C2orf69: variants seen among roughly 807,000 people sequenced by gnomAD.
C2orf69 encodes the protein chromosome 2 open reading frame 69.
Under a neutral mutation model 29.5 loss-of-function variants are expected in C2orf69, and 19 were observed. That is an observed-to-expected ratio of 0.65 (90% CI 0.45 to 0.95). The LOEUF (loss-of-function observed/expected upper bound fraction) is 0.95, where lower values mean the gene tolerates loss of function less well. C2orf69 is among the 40% of genes least tolerant of loss of function. C2orf69 has a pLI of 0.00. For synonymous variants in C2orf69, 194 were observed against 180.0 expected, an observed-to-expected ratio of 1.08 and a Z score of -0.62; for missense variants, 416 against 482.1, an observed-to-expected ratio of 0.86 and a Z score of 1.28.
rs2077342654 is a variant in C2orf69, at chr2:199,928,092, T to G, written c.*2206T>G. 1 of 152,618 alleles carries G rather than the reference T, an allele frequency of 6.6e-6. No homozygotes were observed. The highest frequency in any genetic ancestry group is 2.1e-4 in the South Asian group (1 of 4,836). The allele number at this position is 152,618 out of a possible 1,614,324, so 9.5% of individuals were successfully genotyped here. On this transcript the variant is annotated 3_prime_UTR_variant, in exon 2 of 2. Coordinates refer to ENST00000319974, the MANE Select transcript of C2orf69 (RefSeq NM_153689.6). ...CAAGTTGATCCATATTCAGATGTTT[T>G]CTGTTTAATACTTCAGATTGGTCCT...
chr2:199,927,874 C>T lies in C2orf69; in HGVS notation c.*1988C>T, dbSNP rs2077341856. The T allele has an allele frequency of 6.6e-6, 1 of 152,022 alleles. No homozygotes were observed. The highest frequency in any genetic ancestry group is 3.2e-3 in the Middle Eastern group (1 of 314). 9.4% of individuals were successfully genotyped at this position (152,022 alleles called of 1,614,324 possible). Reference sequence around the variant, plus strand: ...AAGTAAGACATTTAGCAGAATAATTCATTTAAAAATAATTTTAAAAAATCA... The same window carrying T: ...AAGTAAGACATTTAGCAGAATAATTTATTTAAAAATAATTTTAAAAAATCA... On this transcript the variant is annotated 3_prime_UTR_variant, in exon 2 of 2. Coordinates refer to ENST00000319974, the MANE Select transcript of C2orf69 (RefSeq NM_153689.6).
rs62178348 is a variant in C2orf69 at position 199,918,581 on chromosome 2, C to T, written c.334-6481C>T. On this transcript the variant is annotated intron_variant, in intron 1 of 1. Coordinates refer to ENST00000319974, the MANE Select transcript of C2orf69 (RefSeq NM_153689.6). ...TTCACCATGTTGGTCAGGCTGCTCT[C>T]GAACTCCTGACCTCAAGTGATCTGC... Among the ~76,000 whole-genome samples, 9 of 152,208 alleles carry T rather than the reference C, an allele frequency of 5.9e-5. No homozygotes were observed. The South Asian group carries it at 8.3e-4, about 14-fold the overall frequency.
At chr2:199,924,082 A>G (rs908424942) in intron 1 of C2orf69, among the ~76,000 whole-genome samples, 5 of 152,214 alleles carry the variant, frequency 3.3e-5, no homozygotes, top group Admixed American at 2.6e-4. Context: ...GTTAGTATAT[A>G]TAGAATGCTT....
chr2:199,916,185 G>A (rs1181085886), intron 1 of C2orf69, among the ~76,000 whole-genome samples: 1 of 152,164 alleles, frequency 6.6e-6, no homozygotes, highest in Non-Finnish European at 1.5e-5. Context: ...AGAGGAGGGA[G>A]AAGAATGAGA....
rs896102238 is a variant in C2orf69, at chr2:199,911,464, C to T, written c.26C>T (p.Ser9Leu). The T allele has an allele frequency of 8.4e-6, 13 of 1,544,334 alleles. No individual in the cohort carries two copies. The highest frequency in any genetic ancestry group is 5.5e-5 in the African/African-American group (4 of 72,540). Residue 9 changes from serine (S) to leucine (L), a missense_variant, in exon 1 of 2, where the codon TCG becomes TTG. Coordinates refer to ENST00000319974, the MANE Select transcript of C2orf69 (RefSeq NM_153689.6). MWGFRLLR[S>L]PPLLLLLPQL... ...ATGTGGGGGTTCAGGCTCCTGCGGT[C>T]GCCGCCGTTGCTGCTCCTGCTGCCG...
intron 1 of C2orf69, 70 bp downstream of exon 1, chr2:199,911,841 C>A: frequency 6.5e-7 from 1 of 1,529,110 alleles, no homozygotes; most frequent in Non-Finnish European, 8.8e-7. Context: ...TGATTCTTCC[C>A]TCGTGGCTGC....
Position 199,926,836 on chromosome 2 carries a change from A to G in C2orf69, c.*950A>G, listed in dbSNP as rs139439861. 1.9e-4 allele frequency: 29 copies of G among 152,758 alleles called. 1 individual carries two copies. Among genetic ancestry groups the G allele is most frequent in the Non-Finnish European group, 2.9e-4 (20 of 68,030 alleles). 9.5% of individuals were successfully genotyped at this position (152,758 alleles called of 1,614,324 possible). ...AAAATGTACTACAGAGCAAATTTCA[A>G]ATTTTTCATTATATCAGTCTTTTTG... On this transcript the variant is annotated 3_prime_UTR_variant, in exon 2 of 2. Transcript: ENST00000319974.
At position 199,913,180 on chromosome 2, in the gene C2orf69, A is replaced by ATATAT. The variant is rs1559291932; in HGVS notation, c.333+1409_333+1410insTATAT. Among the ~76,000 whole-genome samples the ATATAT allele has an allele frequency of 2.3e-4, 26 of 112,072 alleles. 1 individual carries two copies. The highest frequency in any genetic ancestry group is 8.7e-4 in the African/African-American group (25 of 28,826). The allele number at this position is 112,072 out of a possible 152,430, so 73.5% of individuals were successfully genotyped here. A position where few individuals can be genotyped will look rare whatever the true frequency, so the allele number is the denominator to read the frequency against. On this transcript the variant is annotated intron_variant, in intron 1 of 1. Coordinates refer to ENST00000319974, the MANE Select transcript of C2orf69 (RefSeq NM_153689.6). ...TTATTTTATATATATATTATATATA[A>ATATAT]AATTATATATATTATATATAATATA...
rs779068208 is a variant in C2orf69, at chr2:199,911,402, A to G, written c.-37A>G. On this transcript the variant is annotated 5_prime_UTR_variant, in exon 1 of 2. Transcript: ENST00000319974. Reference sequence around the variant, plus strand: ...TCCCTCCCTCAGGAACCCCTCCGCCACCCTCCACCTCCGAACCGCTCTCGC... The same window carrying G: ...TCCCTCCCTCAGGAACCCCTCCGCCGCCCTCCACCTCCGAACCGCTCTCGC... The G allele has an allele frequency of 1.6e-5, 23 of 1,439,922 alleles. No homozygotes were observed. The South Asian group carries it at 3.0e-4, about 19-fold the overall frequency. 89.2% of individuals were successfully genotyped at this position (1,439,922 alleles called of 1,614,324 possible).
chr2:199,920,380 A>T (rs957831492), intron 1 of C2orf69, among the ~76,000 whole-genome samples: 1 of 152,130 alleles, frequency 6.6e-6, no homozygotes, highest in Non-Finnish European at 1.5e-5. Context: ...TCCTTCCTCT[A>T]ATCGTGGAAC....
chr2:199,922,048 T>TATATATATAC (rs1393322285), intron 1 of C2orf69, among the ~76,000 whole-genome samples: 3 of 138,850 alleles, frequency 2.2e-5, no homozygotes, highest in African/African-American at 8.0e-5. Flanking sequence ...TATATATATA[T>TATATATATAC]ATATATGCTT....
At position 199,925,911 on chromosome 2, in the gene C2orf69, G is replaced by T; in HGVS notation, c.*25G>T. 1 of 1,472,902 alleles carries T rather than the reference G, an allele frequency of 6.8e-7. No homozygotes were observed. The highest frequency in any genetic ancestry group is 9.4e-7 in the Non-Finnish European group (1 of 1,065,116). The allele number at this position is 1,472,902 out of a possible 1,614,324, so 91.2% of individuals were successfully genotyped here. On this transcript the variant is annotated 3_prime_UTR_variant, in exon 2 of 2. Transcript: ENST00000319974. This position sits in a 1 kb window ranked among gnomAD's most constrained non-coding sequence, Gnocchi z 4.9. ...AGATTACAGGTATATTAATGAACTTGTTCAGTGGAAGAACATAAGCACTTT... is the reference window on the plus strand; with the variant it reads ...AGATTACAGGTATATTAATGAACTTTTTCAGTGGAAGAACATAAGCACTTT...
chr2:199,912,682 C>T (rs2106636305), intron 1 of C2orf69, among the ~76,000 whole-genome samples: 1 of 152,080 alleles, frequency 6.6e-6, no homozygotes, highest in Middle Eastern at 3.4e-3. Flanking sequence ...GCTTAGTTGC[C>T]CAGGCTGGAG....
Position 199,926,539 on chromosome 2 carries a change from G to A in C2orf69, c.*653G>A, listed in dbSNP as rs1357475689. 1 of 152,390 alleles carries A rather than the reference G, an allele frequency of 6.6e-6. No homozygotes were observed. Among genetic ancestry groups the A allele is most frequent in the African/African-American group, 2.4e-5 (1 of 41,446 alleles). 9.4% of individuals were successfully genotyped at this position (152,390 alleles called of 1,614,324 possible). On this transcript the variant is annotated 3_prime_UTR_variant, in exon 2 of 2. Transcript: ENST00000319974. ...TGCCTTTAGTTCCAGCTACTCAGGAGGCTAAGGCAGGAGGATTGCTTGAGC... is the reference window on the plus strand; with the variant it reads ...TGCCTTTAGTTCCAGCTACTCAGGAAGCTAAGGCAGGAGGATTGCTTGAGC...
intron 1 of C2orf69, among the ~76,000 whole-genome samples, chr2:199,917,484 ATCC>A (rs2077297836): frequency 6.6e-6 from 1 of 152,196 alleles, no homozygotes; most frequent in South Asian, 2.1e-4. Flanking sequence ...ATTTCAAACC[ATCC>A]CTCTCAAGGT....
rs1428388801 is a variant in C2orf69, at chr2:199,928,074, A to T, written c.*2188A>T. 6.6e-6 allele frequency: 1 copy of T among 152,554 alleles called. No individual in the cohort carries two copies. The highest frequency in any genetic ancestry group is 1.5e-5 in the Non-Finnish European group (1 of 67,996). The allele number at this position is 152,554 out of a possible 1,614,324, so 9.5% of individuals were successfully genotyped here. ...CTGGAATGAAAATATATTCAAGTTG[A>T]TCCATATTCAGATGTTTTCTGTTTA... On this transcript the variant is annotated 3_prime_UTR_variant, in exon 2 of 2. Coordinates refer to ENST00000319974, the MANE Select transcript of C2orf69 (RefSeq NM_153689.6).
chr2:199,912,977 T>C (rs1350068764), intron 1 of C2orf69, among the ~76,000 whole-genome samples: 1 of 150,782 alleles, frequency 6.6e-6, no homozygotes, highest in African/African-American at 2.4e-5. Context: ...TACATTAGTT[T>C]ATTTTCAAAA....
At chr2:199,917,342 G>A (rs187653387) in intron 1 of C2orf69, among the ~76,000 whole-genome samples, 7 of 152,304 alleles carry the variant, frequency 4.6e-5, no homozygotes, top group Non-Finnish European at 8.8e-5. Flanking sequence ...TTGGCTCCTC[G>A]TTACTTATGC....
At chr2:199,917,612 C>CAGTGCAGCCTAGACTTCATT (rs2077298214) in intron 1 of C2orf69, among the ~76,000 whole-genome samples, 1 of 152,156 alleles carries the variant, frequency 6.6e-6, no homozygotes, top group African/African-American at 2.4e-5. Context: ...TGTCTGAGAC[C>CAGTGCAGCCTAGACTTCATT]AGTGCAGCCT....
Sources: gnomAD v4.1 joint callset for allele counts (sites outside exome capture counted in the v4.1 genomes callset) on GRCh38, gnomAD v4.1.1 for gene constraint, Gnocchi (gnomAD v3.1) non-coding constraint, MANE v1.5 for transcripts, NCBI Gene and HGNC (gene_info 2026-07-23, HGNC 2026-07-21) for gene names.